Variants in GLRA1 observed in about 807,000 individuals in gnomAD.
GLRA1 encodes the protein glycine receptor alpha 1, also known as glycine receptor subunit alpha-1.
GLRA1 carries 37 observed loss-of-function variants against 48.3 expected under a neutral mutation model. That is an observed-to-expected ratio of 0.77 (90% CI 0.59 to 1.01). The LOEUF (loss-of-function observed/expected upper bound fraction) is 1.01, where lower values mean the gene tolerates loss of function less well. Among genes scored for constraint, GLRA1 ranks in the 50% least tolerant of loss-of-function variants. The pLI is 0.00. For missense variants in GLRA1, 427 were observed against 571.0 expected (o/e 0.75, Z 2.57); for synonymous variants, 196 against 210.7 (o/e 0.93, Z 0.60).
chr5:151,901,589 T>C (rs1754369845), intron 1 of GLRA1, among the ~76,000 whole-genome samples: 1 of 152,174 alleles, frequency 6.6e-6, no homozygotes, highest in African/African-American at 2.4e-5. Context: ...ACTGGAGAAA[T>C]GTGTCTTTGC....
At chr5:151,897,057 A>G (rs76360221) in intron 1 of GLRA1, among the ~76,000 whole-genome samples, 1,709 of 152,324 alleles carry the variant, frequency 0.011, 29 homozygotes, top group African/African-American at 0.034. Context: ...TATTGTTATT[A>G]TGTCAGTCAC....
Position 151,853,184 on chromosome 5 carries a change from T to C in GLRA1, c.698-1580A>G, listed in dbSNP as rs544279384. Among the ~76,000 whole-genome samples, 81 of 152,206 alleles carry C rather than the reference T, an allele frequency of 5.3e-4. 1 individual carries two copies. Among genetic ancestry groups the C allele is most frequent in the Non-Finnish European group, 1.9e-4 (13 of 68,032 alleles). On this transcript the variant is annotated intron_variant, in intron 6 of 8. Coordinates refer to ENST00000274576, the MANE Select transcript of GLRA1 (RefSeq NM_000171.4). The stretch of plus-strand genomic sequence containing the variant: ...GAGATCTAATGTACAGCAATGTGAC[T>C]AGAATTAACAGTGCTGTCCTGTGTG...
chr5:151,862,218 G>A (rs1340369650), intron 3 of GLRA1, among the ~76,000 whole-genome samples: 2 of 152,098 alleles, frequency 1.3e-5, no homozygotes, highest in Non-Finnish European at 2.9e-5. Context: ...TGGGAAAACT[G>A]GCTAGCCATA....
intron 1 of GLRA1, among the ~76,000 whole-genome samples, chr5:151,909,109 A>G (rs867008662): frequency 2.4e-4 from 37 of 152,326 alleles, no homozygotes; most frequent in Admixed American, 1.1e-3. Context: ...GGTTCTAAAT[A>G]TATGTTATTC....
intron 3 of GLRA1, among the ~76,000 whole-genome samples, chr5:151,877,071 C>A (rs1753644298): frequency 6.6e-6 from 1 of 152,212 alleles, no homozygotes; most frequent in African/African-American, 2.4e-5. Context: ...GGACTTCTAA[C>A]CTCCAGAACT....
intron 7 of GLRA1, among the ~76,000 whole-genome samples, chr5:151,833,012 A>C (rs2113298245): frequency 1.3e-5 from 2 of 152,352 alleles, no homozygotes; most frequent in East Asian, 3.9e-4. Context: ...CTTAAAGAAA[A>C]GAATTTTCAA....
At chr5:151,866,335 G>A (rs187846345) in intron 3 of GLRA1, among the ~76,000 whole-genome samples, 4 of 152,268 alleles carry the variant, frequency 2.6e-5, no homozygotes, top group Admixed American at 2.0e-4. Flanking sequence ...GGCTTCCTAT[G>A]CACCACCTGA....
At chr5:151,891,716 A>G (rs147507323) in intron 2 of GLRA1, among the ~76,000 whole-genome samples, 1 of 152,300 alleles carries the variant, frequency 6.6e-6, no homozygotes, top group African/African-American at 2.4e-5. Flanking sequence ...AAATTTTTCA[A>G]AATTATTTGT....
At chr5:151,832,928 C>T (rs1763462254) in intron 7 of GLRA1, among the ~76,000 whole-genome samples, 1 of 152,126 alleles carries the variant, frequency 6.6e-6, no homozygotes, top group African/African-American at 2.4e-5. Context: ...AAAGGGAAGC[C>T]CATCAGACTA....
intron 6 of GLRA1, among the ~76,000 whole-genome samples, chr5:151,854,287 T>C (rs1269868125): frequency 1.3e-5 from 2 of 152,202 alleles, no homozygotes; most frequent in East Asian, 3.9e-4. Context: ...TCACTGGGCT[T>C]TCTACTTACA....
At chr5:151,880,471 G>C (rs919692543) in intron 3 of GLRA1, among the ~76,000 whole-genome samples, 1 of 152,238 alleles carries the variant, frequency 6.6e-6, no homozygotes, top group African/African-American at 2.4e-5. Context: ...CAATCAGCAG[G>C]GGTCCTGGCC....
intron 1 of GLRA1, among the ~76,000 whole-genome samples, chr5:151,923,312 A>G (rs898189395): frequency 6.6e-6 from 1 of 152,238 alleles, no homozygotes; most frequent in African/African-American, 2.4e-5. Flanking sequence ...CAAATCAGCA[A>G]TTCCTATGAA....
At chr5:151,836,554 C>G (rs1470424634) in intron 7 of GLRA1, among the ~76,000 whole-genome samples, 1 of 152,190 alleles carries the variant, frequency 6.6e-6, no homozygotes, top group Non-Finnish European at 1.5e-5. Flanking sequence ...CAACTTCAAG[C>G]TATACTACAA....
chr5:151,853,795 G>A (rs777366585), intron 6 of GLRA1, among the ~76,000 whole-genome samples: 2 of 151,980 alleles, frequency 1.3e-5, no homozygotes, highest in Non-Finnish European at 2.9e-5. Flanking sequence ...CTAAGATTAG[G>A]AAGATTTGTC....
At chr5:151,843,658 C>A (rs1752575533) in intron 7 of GLRA1, among the ~76,000 whole-genome samples, 1 of 152,110 alleles carries the variant, frequency 6.6e-6, no homozygotes, top group Non-Finnish European at 1.5e-5. Flanking sequence ...ACTCACACTT[C>A]CAAATTTTAA....
chr5:151,924,740 C>A lies in GLRA1; in HGVS notation c.-191G>T. On this transcript the variant is annotated 5_prime_UTR_variant, in exon 1 of 9. Transcript: ENST00000274576. ...GGGTCGTAGATACCACGGACAGCGGCGGCTGCGAGGCGTTTCAGCACCACG... is the reference window on the plus strand; with the variant it reads ...GGGTCGTAGATACCACGGACAGCGGAGGCTGCGAGGCGTTTCAGCACCACG... 1 of 656,210 alleles carries A rather than the reference C, an allele frequency of 1.5e-6. No individual in the cohort carries two copies. Among genetic ancestry groups the A allele is most frequent in the Admixed American group, 2.2e-5 (1 of 45,722 alleles). The allele number at this position is 656,210 out of a possible 1,614,324, so 40.6% of individuals were successfully genotyped here.
intron 7 of GLRA1, among the ~76,000 whole-genome samples, chr5:151,842,403 G>A (rs1430559342): frequency 4.7e-5 from 7 of 149,388 alleles, no homozygotes; most frequent in African/African-American, 1.7e-4. Flanking sequence ...ATGTGAAAAA[G>A]AATTATACGT....
In GLRA1 at chr5:151,873,194, C is replaced by T. The variant is rs1478853067; in HGVS notation, c.253-13186G>A. Among the ~76,000 whole-genome samples the T allele has an allele frequency of 1.3e-5, 2 of 149,496 alleles. 1 individual carries two copies. The highest frequency in any genetic ancestry group is 5.1e-5 in the African/African-American group (2 of 38,932). On this transcript the variant is annotated intron_variant, in intron 3 of 8. Coordinates refer to ENST00000274576, the MANE Select transcript of GLRA1 (RefSeq NM_000171.4). ...GACATGGTTCCCGAAATGGAAAGGT[C>T]TTTGAGGTGGAATGGGTAGAAATGG...
chr5:151,849,206 T>TTCCTTCCTTCCTTCCTTCCTTCCTTCC (rs1581613539), intron 7 of GLRA1: 3 of 84,546 alleles, frequency 3.5e-5, no homozygotes, highest in African/African-American at 1.8e-4. Context: ...CTTTTCTTTC[T>TTCCTTCCTTCCTTCCTTCCTTCCTTCC]TTCCTTCCTT....
Sources: gnomAD v4.1 joint callset for allele counts (sites outside exome capture counted in the v4.1 genomes callset) on GRCh38, gnomAD v4.1.1 for gene constraint, MANE v1.5 for transcripts, NCBI Gene and HGNC (gene_info 2026-07-23, HGNC 2026-07-21) for gene names.